Variants in TENT2 observed in about 807,000 individuals in gnomAD.
TENT2 encodes poly(A) RNA polymerase GLD2.
TENT2 carries 44 observed loss-of-function variants against 72.2 expected under a neutral mutation model. That is an observed-to-expected ratio of 0.61 (90% CI 0.48 to 0.78). The LOEUF (loss-of-function observed/expected upper bound fraction) is 0.78. TENT2 is among the 30% of genes least tolerant of loss of function. TENT2 has a pLI of 0.00. For missense variants in TENT2, 541 were observed against 569.6 expected (o/e 0.95, Z 0.51); for synonymous variants, 212 against 192.5 (o/e 1.10, Z -0.84).
At chr5:79,656,430 A>T (rs867587054) in intron 10 of TENT2, among the ~76,000 whole-genome samples, 1 of 151,548 alleles carries the variant, frequency 6.6e-6, no homozygotes. Context: ...TTTTTATTTG[A>T]TTTTTTTTGT....
intron 8 of TENT2, among the ~76,000 whole-genome samples, chr5:79,645,908 A>G (rs557576249): frequency 3.3e-5 from 5 of 152,268 alleles, no homozygotes; most frequent in Admixed American, 2.6e-4. Flanking sequence ...GAATTTGCCT[A>G]CTTGCTAAAA....
rs1249902378 is a variant in TENT2 at position 79,664,607 on chromosome 5, AAAAG to A, written c.1072-4283_1072-4280del. Among the ~76,000 whole-genome samples, 20 of 151,972 alleles carry A rather than the reference AAAAG, an allele frequency of 1.3e-4. No individual in the cohort carries two copies. The South Asian group carries it at 2.1e-3, about 16-fold the overall frequency. On this transcript the variant is annotated intron_variant, in intron 11 of 14. Coordinates refer to ENST00000453514, the MANE Select transcript of TENT2 (RefSeq NM_001114394.3). ...CTCACTCTGTCTCAAAAAAAAAAAA[AAAAG>A]AGGTTAACAAATTTTGGTGGAGATA...
At chr5:79,634,524 A>G (rs1264658984) in intron 4 of TENT2, among the ~76,000 whole-genome samples, 4 of 151,928 alleles carry the variant, frequency 2.6e-5, no homozygotes, top group Admixed American at 6.6e-5. Context: ...TTTTTAGTAG[A>G]GATGGGGTTT....
intron 4 of TENT2, among the ~76,000 whole-genome samples, chr5:79,637,083 A>C (rs1159122191): frequency 6.6e-6 from 1 of 152,210 alleles, no homozygotes; most frequent in Admixed American, 6.5e-5. Flanking sequence ...AAGAAAAAAA[A>C]ATTAACCAGA....
At position 79,686,493 on chromosome 5, in the gene TENT2, C is replaced by T. The variant is rs1171808394; in HGVS notation, c.*1220C>T. 1 of 151,896 alleles carries T rather than the reference C, an allele frequency of 6.6e-6. No individual in the cohort carries two copies. The highest frequency in any genetic ancestry group is 1.9e-4 in the East Asian group (1 of 5,202). 9.4% of individuals were successfully genotyped at this position (151,896 alleles called of 1,614,324 possible). A position where few individuals can be genotyped will look rare whatever the true frequency, so the allele number is the denominator to read the frequency against. ...AACATTTTTTAGACCTGCTGTAGTA[C>T]AGTTTTGTACCTCTAACGTATTTTT... is the stretch of plus-strand genomic sequence containing the variant. On this transcript the variant is annotated 3_prime_UTR_variant, in exon 15 of 15. Coordinates refer to ENST00000453514, the MANE Select transcript of TENT2 (RefSeq NM_001114394.3).
chr5:79,629,781 C>A (rs912691650), intron 4 of TENT2, among the ~76,000 whole-genome samples: 1 of 148,366 alleles, frequency 6.7e-6, no homozygotes, highest in Non-Finnish European at 1.5e-5. Flanking sequence ...GAGCCGAGAT[C>A]GTGCCACTGC....
At chr5:79,653,034 T>C (rs1339260201) in intron 10 of TENT2, among the ~76,000 whole-genome samples, 1 of 152,120 alleles carries the variant, frequency 6.6e-6, no homozygotes, top group Non-Finnish European at 1.5e-5. Flanking sequence ...AAAATGAGAT[T>C]TGACTAAAGC....
intron 11 of TENT2, among the ~76,000 whole-genome samples, chr5:79,659,562 A>AG (rs1561547438): frequency 1.7e-5 from 1 of 59,020 alleles, no homozygotes; most frequent in African/African-American, 1.5e-4. Flanking sequence ...AAATGTATAT[A>AG]TATATATATA....
At chr5:79,681,815 A>G (rs562155229) in intron 13 of TENT2, 167 bp from the exon 14 acceptor site, 4 of 546,422 alleles carry the variant, frequency 7.3e-6, no homozygotes, top group Admixed American at 3.2e-5. Context: ...TAGTATATCA[A>G]GCTTTTCTGT....
In TENT2 at chr5:79,649,272, A is replaced by C. The variant is rs1484859448; in HGVS notation, c.1027+82A>C. The C allele has an allele frequency of 3.6e-5, 47 of 1,316,534 alleles. No homozygotes were observed. In the South Asian group the frequency reaches 5.5e-4, roughly 15 times the overall value. The allele number at this position is 1,316,534 out of a possible 1,614,324, so 81.6% of individuals were successfully genotyped here. A position where few individuals can be genotyped will look rare whatever the true frequency, so the allele number is the denominator to read the frequency against. On this transcript the variant is annotated intron_variant, in intron 10 of 14. Transcript: ENST00000453514. ...TGTCTTCTCTGTTGACCCTATTTTC[A>C]AATAGTATTGTTTTAAAAGTTCTTT...
At chr5:79,613,704 A>T (rs1286451736) in intron 1 of TENT2, among the ~76,000 whole-genome samples, 1 of 152,216 alleles carries the variant, frequency 6.6e-6, no homozygotes, top group African/African-American at 2.4e-5. Context: ...AGAAATGCCC[A>T]TTTGGAGCCA....
intron 10 of TENT2, among the ~76,000 whole-genome samples, chr5:79,649,935 C>T (rs1415235576): frequency 6.6e-6 from 1 of 152,076 alleles, no homozygotes; most frequent in Non-Finnish European, 1.5e-5. Context: ...TCTACTTAGC[C>T]TGACACCAAG....
chr5:79,665,969 A>G (rs1807360927), intron 11 of TENT2, among the ~76,000 whole-genome samples: 1 of 150,504 alleles, frequency 6.6e-6, no homozygotes, highest in African/African-American at 2.4e-5. Context: ...TTTTAAAGAA[A>G]TTCTTTTTTT....
At chr5:79,663,307 A>G (rs4703781) in intron 11 of TENT2, among the ~76,000 whole-genome samples, 30,723 of 152,022 alleles carry the variant, frequency 0.2, 4,563 homozygotes, top group African/African-American at 0.42. Flanking sequence ...TACTTTTAAT[A>G]TCCTTCAAGA....
intron 3 of TENT2, among the ~76,000 whole-genome samples, chr5:79,620,351 A>G (rs910439135): frequency 1.3e-5 from 2 of 152,170 alleles, no homozygotes; most frequent in South Asian, 2.1e-4. Context: ...TTCTTTTTCT[A>G]GAATAAAGCT....
At chr5:79,683,552 A>G (rs1446132153) in intron 14 of TENT2, among the ~76,000 whole-genome samples, 1 of 152,122 alleles carries the variant, frequency 6.6e-6, no homozygotes. Flanking sequence ...TAAGTATTCT[A>G]TTACAAGCTG....
At chr5:79,667,707 A>C (rs1809448781) in intron 11 of TENT2, among the ~76,000 whole-genome samples, 1 of 152,120 alleles carries the variant, frequency 6.6e-6, no homozygotes, top group Non-Finnish European at 1.5e-5. Context: ...GGAACAAGGG[A>C]GGAGATATTT....
Position 79,648,611 on chromosome 5 carries a change from A to G in TENT2, c.822-6A>G, listed in dbSNP as rs190798798. 1 of 1,538,144 alleles carries G rather than the reference A, an allele frequency of 6.5e-7. No individual in the cohort carries two copies. The highest frequency in any genetic ancestry group is 8.8e-7 in the Non-Finnish European group (1 of 1,134,662). ...TTTATTTATTTATTTATTTTTTCTT[A>G]AATAGTTGTGTGGAGTTTGACTTGA... On this transcript the variant is annotated splice_region_variant and splice_polypyrimidine_tract_variant and intron_variant, in intron 8 of 14. Coordinates refer to ENST00000453514, the MANE Select transcript of TENT2 (RefSeq NM_001114394.3).
intron 7 of TENT2, among the ~76,000 whole-genome samples, chr5:79,643,518 C>G (rs1948764): frequency 6.6e-6 from 1 of 152,090 alleles, no homozygotes; most frequent in African/African-American, 2.4e-5. Context: ...GTTGAAGTTA[C>G]ACTGTGTGAT....
Sources: gnomAD v4.1 joint callset for allele counts (sites outside exome capture counted in the v4.1 genomes callset) on GRCh38, gnomAD v4.1.1 for gene constraint, MANE v1.5 for transcripts, NCBI Gene and HGNC (gene_info 2026-07-23, HGNC 2026-07-21) for gene names.